Variants in EYA2 observed in about 807,000 individuals in gnomAD.
The protein encoded by EYA2 is EYA transcriptional coactivator and phosphatase 2.
In EYA2, 31 loss-of-function variants were observed where a neutral mutation model predicts 69.2. The ratio of observed to expected loss-of-function variants is 0.45; its 90% CI spans 0.34 to 0.60. The LOEUF (loss-of-function observed/expected upper bound fraction) is 0.60, where lower values mean the gene tolerates loss of function less well. Among genes scored for constraint, EYA2 ranks in the 20% least tolerant of loss-of-function variants. The pLI is 0.02. For synonymous variants in EYA2, 257 were observed against 279.4 expected, an observed-to-expected ratio of 0.92 and a Z score of 0.80; for missense variants, 622 against 701.2, an observed-to-expected ratio of 0.89 and a Z score of 1.28.
At chr20:46,993,120 G>A (rs1981788673) in intron 2 of EYA2, among the ~76,000 whole-genome samples, 1 of 152,164 alleles carries the variant, frequency 6.6e-6, no homozygotes. Flanking sequence ...TGGGACCCTG[G>A]CTAGTGGCCT....
chr20:47,142,984 G>A (rs977537587), intron 9 of EYA2, 75 bp from the exon 10 acceptor site: 7 of 1,400,306 alleles, frequency 5.0e-6, no homozygotes, highest in African/African-American at 1.4e-5. Flanking sequence ...TTTCGGCAGT[G>A]GAATGGGACC....
chr20:46,994,767 A>G lies in EYA2; in HGVS notation c.109+4648A>G, dbSNP rs568275518. On this transcript the variant is annotated intron_variant, in intron 2 of 15. Transcript: ENST00000327619. ...CAGAAATCCCGCTTTGTGGGAGGAAATGGTGCTATTAATCCCATCGTGGCC... is the reference window on the plus strand; with the variant it reads ...CAGAAATCCCGCTTTGTGGGAGGAAGTGGTGCTATTAATCCCATCGTGGCC... Among the ~76,000 whole-genome samples, 455 of 151,868 alleles carry G rather than the reference A, an allele frequency of 3.0e-3. 3 individuals carry two copies. The highest frequency in any genetic ancestry group is 4.5e-3 in the Non-Finnish European group (306 of 68,014).
At chr20:47,073,784 C>G (rs2031406537) in intron 6 of EYA2, among the ~76,000 whole-genome samples, 1 of 152,034 alleles carries the variant, frequency 6.6e-6, no homozygotes, top group South Asian at 2.1e-4. Context: ...CAAAGACCAA[C>G]AAGTTGATGT....
rs545743511 is a variant in EYA2, at chr20:47,172,154, C to T, written c.1038-553C>T. Reference sequence around the variant, plus strand: ...AAAAATAAAAAGTCAAAATAAGGGACGAGGCACGGTGGTGCATGCCTATAA... The same window carrying T: ...AAAAATAAAAAGTCAAAATAAGGGATGAGGCACGGTGGTGCATGCCTATAA... On this transcript the variant is annotated intron_variant, in intron 11 of 15. Transcript: ENST00000327619. 7.9e-5 allele frequency among the ~76,000 whole-genome samples: 12 copies of T among 151,640 alleles called. No individual in the cohort carries two copies. The South Asian group carries it at 2.1e-3, about 27-fold the overall frequency.
chr20:46,987,244 T>A (rs955319698), intron 1 of EYA2, among the ~76,000 whole-genome samples: 2 of 152,202 alleles, frequency 1.3e-5, no homozygotes, highest in Non-Finnish European at 2.9e-5. Flanking sequence ...CAGGGCAGTG[T>A]TCCAATAAAA....
chr20:46,972,793 G>C (rs1407405650), intron 1 of EYA2, among the ~76,000 whole-genome samples: 1 of 152,016 alleles, frequency 6.6e-6, no homozygotes, highest in East Asian at 1.9e-4. Flanking sequence ...CCAGGTTCCT[G>C]CCGGCTCTGC....
At chr20:47,113,096 C>T (rs1305302369) in intron 9 of EYA2, among the ~76,000 whole-genome samples, 2 of 151,858 alleles carry the variant, frequency 1.3e-5, no homozygotes, top group African/African-American at 2.4e-5. Flanking sequence ...TGGTCTTGAA[C>T]CCCCGACCTC....
intron 3 of EYA2, among the ~76,000 whole-genome samples, chr20:47,003,763 G>A (rs1982522264): frequency 6.6e-6 from 1 of 152,208 alleles, no homozygotes; most frequent in African/African-American, 2.4e-5. Context: ...CTGCAGGGCT[G>A]GATGAATCCT....
intron 10 of EYA2, among the ~76,000 whole-genome samples, chr20:47,152,384 CTTTT>C (rs201890248): frequency 7.0e-6 from 1 of 142,094 alleles, no homozygotes; most frequent in Admixed American, 7.0e-5. Flanking sequence ...GGGAGTGTAC[CTTTT>C]TTTTTTTTTT....
At chr20:47,182,267 G>A (rs560184144) in intron 14 of EYA2, among the ~76,000 whole-genome samples, 12 of 151,716 alleles carry the variant, frequency 7.9e-5, no homozygotes, top group Non-Finnish European at 1.6e-4. Flanking sequence ...CATCTGCCTC[G>A]GCCTCCCAAA....
chr20:47,099,939 A>G (rs1600708664), intron 9 of EYA2, among the ~76,000 whole-genome samples: 1 of 152,190 alleles, frequency 6.6e-6, no homozygotes. Flanking sequence ...TGCTCAATAA[A>G]TATTTGTTGA....
At chr20:46,960,515 G>A (rs1979409495) in intron 1 of EYA2, among the ~76,000 whole-genome samples, 2 of 152,146 alleles carry the variant, frequency 1.3e-5, no homozygotes, top group African/African-American at 4.8e-5. Context: ...AGGAAACCGA[G>A]GCACAGCAAG....
chr20:47,151,883 G>A (rs953099478), intron 10 of EYA2, among the ~76,000 whole-genome samples: 6 of 152,096 alleles, frequency 3.9e-5, no homozygotes, highest in East Asian at 3.9e-4. Context: ...TCAGTAAATC[G>A]TTGTTTCTTG....
rs751331830 is a variant in EYA2 at position 47,089,234 on chromosome 20, G to A, written c.662-5G>A. The A allele has an allele frequency of 2.8e-5, 45 of 1,613,054 alleles. No homozygotes were observed. The highest frequency in any genetic ancestry group is 2.1e-4 in the South Asian group (19 of 90,984). On this transcript the variant is annotated splice_polypyrimidine_tract_variant and splice_region_variant and intron_variant, in intron 7 of 15. Coordinates refer to ENST00000327619, the MANE Select transcript of EYA2 (RefSeq NM_005244.5). ...ATTTGTCCACCATTCCCTTTCTTAC[G>A]CCAGGTGAATACAACACACACAATG...
chr20:47,159,187 C>A (rs2034016000), intron 10 of EYA2, among the ~76,000 whole-genome samples: 3 of 151,892 alleles, frequency 2.0e-5, no homozygotes, highest in Non-Finnish European at 4.4e-5. Flanking sequence ...GAGTGGAGAA[C>A]CCTGATGAAG....
chr20:46,931,273 G>T (rs546844842), intron 1 of EYA2, among the ~76,000 whole-genome samples: 1 of 152,320 alleles, frequency 6.6e-6, no homozygotes, highest in Admixed American at 6.5e-5. Context: ...CCCCGGCCCA[G>T]TTAACCTTGG....
intron 5 of EYA2, among the ~76,000 whole-genome samples, chr20:47,058,242 C>T (rs1320402941): frequency 1.3e-5 from 2 of 152,204 alleles, no homozygotes; most frequent in Admixed American, 1.3e-4. Flanking sequence ...CTAAAGACAA[C>T]GAATGAGATG....
At chr20:47,149,119 A>G (rs887393266) in intron 10 of EYA2, among the ~76,000 whole-genome samples, 100 of 152,254 alleles carry the variant, frequency 6.6e-4, no homozygotes, top group African/African-American at 2.3e-3. Flanking sequence ...ATGTTTTGAG[A>G]TGTCACAACT....
At chr20:47,097,050 A>G (rs1372807100) in intron 8 of EYA2, 35 bp from the exon 9 acceptor site, 3 of 1,544,114 alleles carry the variant, frequency 1.9e-6, no homozygotes, top group East Asian at 2.3e-5. Flanking sequence ...ACGTGAGTCC[A>G]TTTTTCTCCA....
Sources: allele counts gnomAD v4.1 joint callset (sites outside exome capture counted in the v4.1 genomes callset), GRCh38; gene constraint gnomAD v4.1.1; transcripts MANE v1.5; gene names NCBI Gene and HGNC (gene_info 2026-07-23, HGNC 2026-07-21).